Variants in BCAS3 observed in about 807,000 individuals in gnomAD.
The protein encoded by BCAS3 is BCAS3 microtubule associated cell migration factor, also known as BCAS4/BCAS3 fusion.
BCAS3 carries 53 observed loss-of-function variants against 116.1 expected under a neutral mutation model. The observed-to-expected ratio is 0.46, with a 90% CI of 0.37 to 0.57. BCAS3 has a LOEUF of 0.57. BCAS3 is among the 20% of genes least tolerant of loss of function. The pLI is 0.00. For missense variants in BCAS3, 917 were observed against 1,165.4 expected, an observed-to-expected ratio of 0.79 and a Z score of 3.10; for synonymous variants, 391 against 408.2, an observed-to-expected ratio of 0.96 and a Z score of 0.51.
intron 22 of BCAS3, among the ~76,000 whole-genome samples, chr17:61,135,130 T>A (rs1447577323): frequency 1.3e-5 from 2 of 152,206 alleles, no homozygotes; most frequent in African/African-American, 4.8e-5. Flanking sequence ...TATAATGACA[T>A]GATAAGGCCA....
intron 2 of BCAS3, among the ~76,000 whole-genome samples, chr17:60,683,140 T>C (rs1489197822): frequency 6.6e-6 from 1 of 152,200 alleles, no homozygotes; most frequent in Non-Finnish European, 1.5e-5. Context: ...AAAGGCTTAA[T>C]AGCTTCTTCT....
Position 61,034,670 on chromosome 17 carries a change from G to A in BCAS3, c.1642G>A (p.Val548Ile). 6.2e-7 allele frequency: 1 copy of A among 1,605,588 alleles called. No homozygotes were observed. The highest frequency in any genetic ancestry group is 8.5e-7 in the Non-Finnish European group (1 of 1,174,736). ...ACTCTTATTTTATTTTTTAAGCAAA[G>A]TTAAACCTCCTCCACAAATTTCACC... is the stretch of plus-strand genomic sequence containing the variant. ...LGTITKRTGK[V>I]KPPPQISPSK... is the part of the protein sequence containing the mutation. Residue 548 changes from valine (V) to isoleucine (I), a missense_variant, in exon 17 of 24, where the codon GTT becomes ATT. Around this residue, in one of 3 missense-constraint regions of BCAS3, gnomAD observed 807 missense variants for 1,026.0 expected, o/e 0.79. Transcript: ENST00000407086. The surrounding 1 kb of genome is among the most constrained non-coding windows in gnomAD (Gnocchi z 5.0).
intron 14 of BCAS3, among the ~76,000 whole-genome samples, chr17:60,977,868 A>G (rs1468391056): frequency 6.9e-6 from 1 of 145,250 alleles, no homozygotes; most frequent in African/African-American, 2.8e-5. Context: ...TCCATGGTGT[A>G]TATGTGCCAC....
At chr17:61,385,805 A>G (rs2059818399) in intron 23 of BCAS3, among the ~76,000 whole-genome samples, 1 of 152,118 alleles carries the variant, frequency 6.6e-6, no homozygotes, top group Non-Finnish European at 1.5e-5. Context: ...TTGGAAATTT[A>G]TTTTCCATTT....
At chr17:61,003,471 T>C (rs1242139994) in intron 15 of BCAS3, among the ~76,000 whole-genome samples, 1 of 150,310 alleles carries the variant, frequency 6.7e-6, no homozygotes. Context: ...TTTGCCTTTT[T>C]AAATCGAGAC....
rs2076331079 is a variant in BCAS3 at position 61,131,334 on chromosome 17, A to T, written c.2425+46770A>T. 6.6e-6 allele frequency among the ~76,000 whole-genome samples: 1 copy of T among 152,240 alleles called. No homozygotes were observed. On this transcript the variant is annotated intron_variant, in intron 22 of 23. Transcript: ENST00000407086. The surrounding 1 kb of genome is among the most constrained non-coding windows in gnomAD (Gnocchi z 4.4). The stretch of plus-strand genomic sequence containing the variant: ...ATCACTGAAACAGCAGGTATGACAG[A>T]GGGTTCCCTGACTTTGATAGTTTTA...
At chr17:61,311,623 G>A (rs192815850) in intron 22 of BCAS3, among the ~76,000 whole-genome samples, 20 of 152,232 alleles carry the variant, frequency 1.3e-4, no homozygotes, top group Admixed American at 3.9e-4. Flanking sequence ...GGCCAGGCGC[G>A]GTGGCTCACG....
chr17:61,146,379 A>G (rs1568449160), intron 22 of BCAS3, among the ~76,000 whole-genome samples: 1 of 151,774 alleles, frequency 6.6e-6, no homozygotes, highest in African/African-American at 2.4e-5. Context: ...GGCCTCCTAA[A>G]GTGCTCGGAT....
rs1406366807 is a variant in BCAS3 at position 60,994,872 on chromosome 17, C to T, written c.1486+4637C>T. ...CATACTTTTATCATATTATAATATG[C>T]AGGTTATTCATTGACATGTCTGGGC... On this transcript the variant is annotated intron_variant, in intron 15 of 23. Coordinates refer to ENST00000407086, the MANE Select transcript of BCAS3 (RefSeq NM_017679.5). The surrounding 1 kb of genome is among the most constrained non-coding windows in gnomAD (Gnocchi z 4.4). 6.6e-6 allele frequency among the ~76,000 whole-genome samples: 1 copy of T among 152,190 alleles called. No individual in the cohort carries two copies. The highest frequency in any genetic ancestry group is 1.5e-5 in the Non-Finnish European group (1 of 68,022).
Position 61,189,837 on chromosome 17 carries a change from A to G in BCAS3, c.2425+105273A>G, listed in dbSNP as rs1175339239. 3.3e-5 allele frequency among the ~76,000 whole-genome samples: 5 copies of G among 152,200 alleles called. No homozygotes were observed. Among genetic ancestry groups the G allele is most frequent in the Non-Finnish European group, 4.4e-5 (3 of 68,034 alleles). On this transcript the variant is annotated intron_variant, in intron 22 of 23. Coordinates refer to ENST00000407086, the MANE Select transcript of BCAS3 (RefSeq NM_017679.5). This position sits in a 1 kb window ranked among gnomAD's most constrained non-coding sequence, Gnocchi z 4.5. Reference sequence around the variant, plus strand: ...ACCTTGATGCACCTATGAGATGACAAAAGGCAGGTCAGCTGGCCCTGAGTA... The same window carrying G: ...ACCTTGATGCACCTATGAGATGACAGAAGGCAGGTCAGCTGGCCCTGAGTA...
rs1204391553 is a variant in BCAS3 at position 61,020,199 on chromosome 17, C to T, written c.1637+4298C>T. 6.6e-6 allele frequency among the ~76,000 whole-genome samples: 1 copy of T among 152,124 alleles called. No individual in the cohort carries two copies. The highest frequency in any genetic ancestry group is 1.9e-4 in the East Asian group (1 of 5,194). ...TTGAGATAGAAGCCTCAACTTAAAC[C>T]TTAAGGGGACAAAACGTGTGTTTAC... On this transcript the variant is annotated intron_variant, in intron 16 of 23. Coordinates refer to ENST00000407086, the MANE Select transcript of BCAS3 (RefSeq NM_017679.5). The surrounding 1 kb of genome is among the most constrained non-coding windows in gnomAD (Gnocchi z 4.5).
chr17:61,172,551 G>A (rs139802795), intron 22 of BCAS3, among the ~76,000 whole-genome samples: 2,102 of 152,248 alleles, frequency 0.014, 29 homozygotes, highest in South Asian at 0.047. Flanking sequence ...GAGGGAGAAG[G>A]GCGTGAACCC....
At chr17:60,701,993 G>T (rs1193444764) in intron 4 of BCAS3, among the ~76,000 whole-genome samples, 3 of 151,634 alleles carry the variant, frequency 2.0e-5, no homozygotes, top group Admixed American at 6.6e-5. Flanking sequence ...AAAAAAGAAA[G>T]AAAAGTATGT....
chr17:60,852,134 G>T (rs1052386682), intron 7 of BCAS3, among the ~76,000 whole-genome samples: 28 of 146,678 alleles, frequency 1.9e-4, no homozygotes, highest in African/African-American at 5.0e-4. Flanking sequence ...TATTCCCGTG[G>T]TTTTTTTTTT....
In BCAS3 at chr17:61,017,203, G is replaced by A. The variant is rs1422970974; in HGVS notation, c.1637+1302G>A. ...ATTTTAAAATAATTTAAGAATAATG[G>A]CTGTGAATAATGAAGAGGTTATGTC... On this transcript the variant is annotated intron_variant, in intron 16 of 23. Transcript: ENST00000407086. This position sits in a 1 kb window ranked among gnomAD's most constrained non-coding sequence, Gnocchi z 4.7. 2.6e-5 allele frequency: 4 copies of A among 151,972 alleles called. No individual in the cohort carries two copies. The South Asian group carries it at 6.2e-4, about 24-fold the overall frequency. The allele number at this position is 151,972 out of a possible 1,614,324, so 9.4% of individuals were successfully genotyped here.
rs1201109677 is a variant in BCAS3, at chr17:61,028,055, A to G, written c.1638-6611A>G. On this transcript the variant is annotated intron_variant, in intron 16 of 23. Transcript: ENST00000407086. This position sits in a 1 kb window ranked among gnomAD's most constrained non-coding sequence, Gnocchi z 4.3. ...AGTTCTGCACATATGTGTAGTTCTCATAACTGCTAAATGGGGATTGTTCAT... is the reference window on the plus strand; with the variant it reads ...AGTTCTGCACATATGTGTAGTTCTCGTAACTGCTAAATGGGGATTGTTCAT... Among the ~76,000 whole-genome samples, 1 of 151,894 alleles carries G rather than the reference A, an allele frequency of 6.6e-6. No homozygotes were observed. Among genetic ancestry groups the G allele is most frequent in the Non-Finnish European group, 1.5e-5 (1 of 67,804 alleles).
At chr17:61,089,134 A>C (rs1374633644) in intron 22 of BCAS3, among the ~76,000 whole-genome samples, 1 of 152,194 alleles carries the variant, frequency 6.6e-6, no homozygotes, top group Non-Finnish European at 1.5e-5. Flanking sequence ...TGAAGTAATA[A>C]AAATAATTAA....
chr17:60,735,694 T>A (rs185435200), intron 5 of BCAS3, among the ~76,000 whole-genome samples: 93 of 152,334 alleles, frequency 6.1e-4, no homozygotes, highest in African/African-American at 2.2e-3. Context: ...GTTCAAGCGA[T>A]CCACTCACCT....
intron 22 of BCAS3, among the ~76,000 whole-genome samples, chr17:61,267,823 T>C (rs112230674): frequency 7.9e-5 from 12 of 152,042 alleles, no homozygotes; most frequent in African/African-American, 2.9e-4. Context: ...GAAAGGACCA[T>C]GTGATCTGCA....
Sources: allele counts gnomAD v4.1 joint callset (sites outside exome capture counted in the v4.1 genomes callset), GRCh38; gene constraint gnomAD v4.1.1; regional missense constraint gnomAD v4.1.1; non-coding constraint Gnocchi (gnomAD v3.1); transcripts MANE v1.5; gene names NCBI Gene and HGNC (gene_info 2026-07-23, HGNC 2026-07-21).